IDE: variants seen among roughly 807,000 people sequenced by gnomAD.
IDE encodes the protein insulin-degrading enzyme.
Under a neutral mutation model 133.2 loss-of-function variants are expected in IDE, and 58 were observed. The observed-to-expected ratio is 0.44, with a 90% confidence interval of 0.35 to 0.54. The LOEUF (loss-of-function observed/expected upper bound fraction) is 0.54. Ranked by LOEUF, IDE falls within the 20% of genes least tolerant of loss-of-function variation. The pLI, the probability that IDE is intolerant of heterozygous loss-of-function variation, is 0.00. For synonymous variants in IDE, 396 were observed against 421.3 expected (o/e 0.94, Z 0.73); for missense variants, 981 against 1,234.0 (o/e 0.79, Z 3.07).
intron 1 of IDE, among the ~76,000 whole-genome samples, chr10:92,571,383 C>A (rs1183625246): frequency 2.0e-5 from 3 of 152,126 alleles, no homozygotes; most frequent in Admixed American, 6.5e-5. Context: ...GTACCCTGTT[C>A]TTTTACACTA....
At chr10:92,509,550 G>A (rs1205903483) in intron 6 of IDE, among the ~76,000 whole-genome samples, 5 of 151,854 alleles carry the variant, frequency 3.3e-5, no homozygotes, top group South Asian at 4.2e-4. Flanking sequence ...CCACGATCGC[G>A]CCGCTGCACT....
chr10:92,536,750 T>C (rs889676864), intron 2 of IDE, among the ~76,000 whole-genome samples: 4 of 141,040 alleles, frequency 2.8e-5, no homozygotes, highest in Admixed American at 1.4e-4. Context: ...CTATGAAATA[T>C]GGTATTAGGC....
Position 92,458,811 on chromosome 10 carries a change from T to C in IDE, c.2823+2380A>G, listed in dbSNP as rs78989535. On this transcript the variant is annotated intron_variant, in intron 22 of 24. Coordinates refer to ENST00000265986, the MANE Select transcript of IDE (RefSeq NM_004969.4). ...CACCACGCCCAGCCCCTCTCTCTTT[T>C]TTTTGAAACAGGGTCTAGCTATGTT... Among the ~76,000 whole-genome samples the C allele has an allele frequency of 1.6e-4, 25 of 151,984 alleles. No homozygotes were observed. In the East Asian group the frequency reaches 4.1e-3, roughly 25 times the overall value.
chr10:92,537,310 G>T, intron 2 of IDE, 56 bp downstream of exon 2: 1 of 1,348,862 alleles, frequency 7.4e-7, no homozygotes, highest in Non-Finnish European at 1.0e-6. Flanking sequence ...TCTAATAAAT[G>T]TCAGCATTAG....
intron 24 of IDE, among the ~76,000 whole-genome samples, 184 bp downstream of exon 24, chr10:92,455,392 C>T (rs1193882324): frequency 1.3e-5 from 2 of 152,144 alleles, no homozygotes; most frequent in Non-Finnish European, 2.9e-5. Flanking sequence ...AGGATAATTG[C>T]TTGAACCCAA....
At chr10:92,487,580 A>G (rs186798950) in intron 12 of IDE, among the ~76,000 whole-genome samples, 2 of 152,338 alleles carry the variant, frequency 1.3e-5, no homozygotes, top group Admixed American at 1.3e-4. Context: ...CTGAGGAACA[A>G]TTGAGACTAT....
intron 2 of IDE, among the ~76,000 whole-genome samples, chr10:92,536,820 A>C (rs1214893041): frequency 6.6e-6 from 1 of 152,128 alleles, no homozygotes; most frequent in Non-Finnish European, 1.5e-5. Context: ...CAGGCAGATC[A>C]CAAGGTCAAG....
intron 4 of IDE, among the ~76,000 whole-genome samples, chr10:92,518,559 C>G (rs1849046744): frequency 6.6e-6 from 1 of 152,170 alleles, no homozygotes; most frequent in Admixed American, 6.5e-5. Context: ...TATCCTACTA[C>G]ATAGTAATTC....
intron 12 of IDE, among the ~76,000 whole-genome samples, 172 bp from the exon 13 acceptor site, chr10:92,487,490 C>T (rs6583817): frequency 0.18 from 26,681 of 152,072 alleles, 2,701 homozygotes; most frequent in African/African-American, 0.26. Context: ...TTCCTGAAAC[C>T]TGAGTTAGTC....
Position 92,537,543 on chromosome 10 carries a change from T to C in IDE, c.106A>G (p.Lys36Glu). ...TTATTCATTTTGCTGTAAGTCTTTT[T>C]TTGGAAACTGAAAAGAAAGAGATTT... is the stretch of plus-strand genomic sequence containing the variant. ...PPPERLCGFQ[K>E]KTYSKMNNPA... Residue 36 changes from lysine (K) to glutamate (E), a missense_variant, in exon 2 of 25, where the codon AAA (lysine) becomes GAA (glutamate). By Grantham distance (56) the Lys-to-Glu change is moderately conservative (BLOSUM62 1). Coordinates refer to ENST00000265986, the MANE Select transcript of IDE (RefSeq NM_004969.4). 1 of 1,588,848 alleles carries C rather than the reference T, an allele frequency of 6.3e-7. No individual in the cohort carries two copies.
In IDE at chr10:92,463,759, G is replaced by A; in HGVS notation, c.2733C>T (p.Ile911=). The stretch of plus-strand genomic sequence containing the variant: ...TGTCAAAATTATATTGCTGGGAGAT[G>A]ATTTCTCCCCAGTATTTAGCACACT... ...SAECAKYWGE[I]ISQQYNFDRD... Residue 911 remains isoleucine, a synonymous_variant, in exon 21 of 25, where the codon ATC becomes ATT. Coordinates refer to ENST00000265986, the MANE Select transcript of IDE (RefSeq NM_004969.4). 1.2e-6 allele frequency: 2 copies of A among 1,613,794 alleles called. No individual in the cohort carries two copies. The highest frequency in any genetic ancestry group is 2.2e-5 in the South Asian group (2 of 91,058).
intron 3 of IDE, among the ~76,000 whole-genome samples, chr10:92,532,346 CA>C (rs1047366030): frequency 6.6e-6 from 1 of 151,428 alleles, no homozygotes; most frequent in African/African-American, 2.4e-5. Context: ...GTTTTAGGTG[CA>C]ATTTCACTTA....
intron 1 of IDE, among the ~76,000 whole-genome samples, chr10:92,541,680 C>A (rs1342087884): frequency 6.6e-6 from 1 of 152,152 alleles, no homozygotes; most frequent in Admixed American, 6.5e-5. Flanking sequence ...GTAATTACAA[C>A]ATATATTTTG....
intron 1 of IDE, among the ~76,000 whole-genome samples, chr10:92,550,504 A>G (rs1344168846): frequency 6.6e-6 from 1 of 151,012 alleles, no homozygotes; most frequent in African/African-American, 2.4e-5. Flanking sequence ...ACAAAAAATT[A>G]GCCGGGTGTG....
At chr10:92,506,573 C>CTTTT in intron 9 of IDE, 51 bp from the exon 10 acceptor site, 2 of 683,610 alleles carry the variant, frequency 2.9e-6, no homozygotes, top group South Asian at 1.9e-5. Context: ...ATTTAGAAAC[C>CTTTT]TTTTTTTTTT....
intron 11 of IDE, among the ~76,000 whole-genome samples, chr10:92,493,418 G>A (rs531328364): frequency 2.7e-5 from 4 of 146,912 alleles, no homozygotes; most frequent in Non-Finnish European, 6.0e-5. Flanking sequence ...TAGAGACAGG[G>A]TCTCACTCTG....
intron 1 of IDE, among the ~76,000 whole-genome samples, chr10:92,539,541 G>C (rs991697783): frequency 6.6e-6 from 1 of 151,630 alleles, no homozygotes; most frequent in Non-Finnish European, 1.5e-5. Context: ...TGAGACGGGC[G>C]GATCACAAGG....
intron 17 of IDE, among the ~76,000 whole-genome samples, chr10:92,473,712 G>T (rs1846105097): frequency 1.3e-5 from 2 of 152,124 alleles, no homozygotes; most frequent in South Asian, 4.1e-4. Flanking sequence ...CGGTCGCGGT[G>T]GCTCATGCCT....
chr10:92,539,373 A>G (rs1842187981), intron 1 of IDE, among the ~76,000 whole-genome samples: 1 of 152,214 alleles, frequency 6.6e-6, no homozygotes, highest in South Asian at 2.1e-4. Flanking sequence ...CATTTCTTGA[A>G]AAACAAAGCA....
Sources: allele counts gnomAD v4.1 joint callset (sites outside exome capture counted in the v4.1 genomes callset), GRCh38; gene constraint gnomAD v4.1.1; transcripts MANE v1.5; gene names NCBI Gene and HGNC (gene_info 2026-07-23, HGNC 2026-07-21).